LRP1B: variants seen among roughly 807,000 people sequenced by gnomAD.
LRP1B encodes low-density lipoprotein receptor-related protein 1B.
In LRP1B, 217 loss-of-function variants were observed where a neutral mutation model predicts 556.6. That is an observed-to-expected ratio of 0.39 (90% CI 0.35 to 0.44). The LOEUF (loss-of-function observed/expected upper bound fraction) is 0.44, where lower values mean the gene tolerates loss of function less well. LRP1B is among the 20% of genes least tolerant of loss of function. LRP1B has a pLI of 1.00. For synonymous variants in LRP1B, 2,047 were observed against 1,865.8 expected (o/e 1.10, Z -2.50); for missense variants, 5,053 against 5,620.8 (o/e 0.90, Z 3.23).
intron 3 of LRP1B, 78 bp from the exon 4 acceptor site, chr2:141,254,719 T>C: frequency 8.7e-7 from 1 of 1,149,998 alleles, no homozygotes; most frequent in Non-Finnish European, 1.2e-6. Context: ...GTACAATCCT[T>C]ACACTATAGT....
Position 141,404,908 on chromosome 2 carries a change from T to C in LRP1B, c.343+75488A>G, listed in dbSNP as rs557352484. Among the ~76,000 whole-genome samples, 29 of 151,992 alleles carry C rather than the reference T, an allele frequency of 1.9e-4. 1 individual carries two copies. The East Asian group carries it at 5.6e-3, about 30-fold the overall frequency. On this transcript the variant is annotated intron_variant, in intron 3 of 90. Transcript: ENST00000389484. ...ATATGTTTTTTTTTTTTACCATAGA[T>C]ATTTTTAATGACCATTAAAAAACAC...
intron 2 of LRP1B, among the ~76,000 whole-genome samples, chr2:141,498,622 G>A (rs1457081327): frequency 6.6e-6 from 1 of 151,916 alleles, no homozygotes; most frequent in Non-Finnish European, 1.5e-5. Context: ...CCTTAAAAAA[G>A]TATCTAAATC....
chr2:140,371,681 T>C (rs1683005550), intron 69 of LRP1B, among the ~76,000 whole-genome samples: 1 of 151,910 alleles, frequency 6.6e-6, no homozygotes, highest in African/African-American at 2.4e-5. Flanking sequence ...TTCAAAACTG[T>C]AATAATATTT....
intron 43 of LRP1B, among the ~76,000 whole-genome samples, chr2:140,562,650 T>G (rs1680973316): frequency 6.6e-6 from 1 of 152,198 alleles, no homozygotes; most frequent in Non-Finnish European, 1.5e-5. Flanking sequence ...AGACACAGTC[T>G]TGCTCTGTCA....
intron 35 of LRP1B, among the ~76,000 whole-genome samples, chr2:140,763,150 T>G (rs1432002765): frequency 1.3e-5 from 2 of 152,114 alleles, no homozygotes; most frequent in African/African-American, 4.8e-5. Flanking sequence ...ATGTTGCCGG[T>G]GGGTTAAGAC....
At chr2:141,138,559 A>G (rs1056170668) in intron 7 of LRP1B, among the ~76,000 whole-genome samples, 7 of 89,404 alleles carry the variant, frequency 7.8e-5, no homozygotes, top group Non-Finnish European at 1.1e-4. Flanking sequence ...GCAAGATTTA[A>G]GAATGCAATA....
chr2:140,668,309 CAAAAAAAAAAAAAAAAAAAAAA>C (rs560180473), intron 41 of LRP1B, among the ~76,000 whole-genome samples: 1 of 59,648 alleles, frequency 1.7e-5, no homozygotes, highest in Non-Finnish European at 2.8e-5. Flanking sequence ...GACTCCGTCT[CAAAAAAAAAAAAAAAAAAAAAA>C]AAAAAAAAAA....
At chr2:140,301,583 C>T (rs1051137334) in intron 83 of LRP1B, among the ~76,000 whole-genome samples, 20 of 152,096 alleles carry the variant, frequency 1.3e-4, no homozygotes, top group African/African-American at 4.1e-4. Flanking sequence ...ACTGAAGGTA[C>T]AGCTTTTTTT....
At chr2:141,041,531 G>A (rs919544655) in intron 11 of LRP1B, among the ~76,000 whole-genome samples, 2 of 151,790 alleles carry the variant, frequency 1.3e-5, no homozygotes, top group Admixed American at 1.3e-4. Flanking sequence ...CTTTGTCCTG[G>A]CCTCCCCCTT....
chr2:140,333,161 A>G (rs1680897527), intron 79 of LRP1B, among the ~76,000 whole-genome samples: 1 of 151,988 alleles, frequency 6.6e-6, no homozygotes, highest in African/African-American at 2.4e-5. Context: ...CTATTTTCTT[A>G]AAAAACTCTT....
chr2:140,370,660 TTAAC>T, intron 71 of LRP1B, 46 bp downstream of exon 71: 2 of 1,604,322 alleles, frequency 1.2e-6, no homozygotes, highest in South Asian at 1.1e-5. Flanking sequence ...GCACAGAACC[TTAAC>T]TTTCATTCTC....
intron 1 of LRP1B, among the ~76,000 whole-genome samples, chr2:141,963,478 G>A (rs889839120): frequency 2.0e-5 from 3 of 151,448 alleles, no homozygotes; most frequent in Non-Finnish European, 2.9e-5. Flanking sequence ...TATAAACAGA[G>A]CCAAAGACAA....
chr2:140,404,324 G>A (rs554858737), intron 66 of LRP1B, among the ~76,000 whole-genome samples: 74 of 151,606 alleles, frequency 4.9e-4, no homozygotes, highest in African/African-American at 1.3e-3. Flanking sequence ...TCAGGTGCCC[G>A]CCACCACGCC....
intron 29 of LRP1B, among the ~76,000 whole-genome samples, chr2:140,842,149 G>T (rs115105828): frequency 3.9e-5 from 6 of 152,090 alleles, no homozygotes; most frequent in African/African-American, 1.2e-4. Context: ...ACCTCTAGTC[G>T]AATTGCTATA....
rs150270189 is a variant in LRP1B, at chr2:140,297,873, A to G, written c.12902T>C (p.Val4301Ala). The stretch of plus-strand genomic sequence containing the variant: ...GCAGTAAGGCTGGTTTCCAGCAGTC[A>G]CAATGCAGGTTCCTCCATTTTGACA... ...DFCQNGGTCI[V>A]TAGNQPYCHC... The change falls in exon 84 of 91, where the codon GTG becomes GCG. Residue 4301 changes from valine to alanine, a missense_variant. Val to Ala is a moderately conservative substitution (Grantham distance 64). Transcript: ENST00000389484. The G allele has an allele frequency of 3.1e-6, 5 of 1,613,942 alleles. No individual in the cohort carries two copies. The African/African-American group carries it at 4.0e-5, about 13-fold the overall frequency.
intron 10 of LRP1B, among the ~76,000 whole-genome samples, chr2:141,052,876 G>T (rs906579952): frequency 8.6e-5 from 13 of 151,882 alleles, no homozygotes; most frequent in African/African-American, 3.1e-4. Context: ...GGGCTCAAGT[G>T]ATCCACCTGC....
At chr2:141,425,467 C>T (rs62167987) in intron 3 of LRP1B, among the ~76,000 whole-genome samples, 14 of 151,504 alleles carry the variant, frequency 9.2e-5, no homozygotes, top group African/African-American at 2.2e-4. Context: ...ATGGTATTTC[C>T]AGTTCTAGAT....
intron 1 of LRP1B, among the ~76,000 whole-genome samples, chr2:142,119,872 T>C (rs2105010482): frequency 6.6e-6 from 1 of 152,262 alleles, no homozygotes; most frequent in Non-Finnish European, 1.5e-5. Context: ...CTAGTGTTTT[T>C]ATTTTCTAGT....
chr2:141,734,643 A>G (rs1220913856), intron 2 of LRP1B, among the ~76,000 whole-genome samples: 1 of 152,104 alleles, frequency 6.6e-6, no homozygotes, highest in Non-Finnish European at 1.5e-5. Context: ...TGTAAGTTTC[A>G]GTTCTCCTAT....
Sources: allele counts gnomAD v4.1 joint callset (sites outside exome capture counted in the v4.1 genomes callset), GRCh38; gene constraint gnomAD v4.1.1; transcripts MANE v1.5; gene names NCBI Gene and HGNC (gene_info 2026-07-23, HGNC 2026-07-21).